Variants in TMEM221 observed in about 807,000 individuals in gnomAD.
The protein encoded by TMEM221 is transmembrane protein 221, also known as Putative transmembrane protein ENSP00000342162.
In TMEM221, 11 loss-of-function variants were observed where a neutral mutation model predicts 10.2. The ratio of observed to expected loss-of-function variants is 1.08; its 90% CI spans 0.68 to 1.79. The LOEUF (loss-of-function observed/expected upper bound fraction) is 1.79. Ranked by LOEUF, TMEM221 falls within the 40% of genes most tolerant of loss-of-function variation. The pLI is 0.00. For synonymous variants in TMEM221, 172 were observed against 199.8 expected (o/e 0.86, Z 1.18); for missense variants, 382 against 417.7 (o/e 0.91, Z 0.75).
At chr19:17,439,690 GA>G (rs978995626) in intron 2 of TMEM221, among the ~76,000 whole-genome samples, 3 of 130,660 alleles carry the variant, frequency 2.3e-5, no homozygotes, top group East Asian at 4.1e-4. Context: ...GCTGTCTCGA[GA>G]AAAAAGAAAA....
At position 17,436,628 on chromosome 19, in the gene TMEM221, C is replaced by T. The variant is rs1417447774; in HGVS notation, c.706G>A (p.Ala236Thr). 1 of 1,536,124 alleles carries T rather than the reference C, an allele frequency of 6.5e-7. No individual in the cohort carries two copies. Among genetic ancestry groups the T allele is most frequent in the Admixed American group, 2.0e-5 (1 of 50,996 alleles). Reference protein sequence around the residue: ...PGDPFGSMATATAPAALEGGW... With the variant: ...PGDPFGSMATTTAPAALEGGW... The stretch of plus-strand genomic sequence containing the variant: ...CCCTCCAGGGCTGCAGGTGCTGTGG[C>T]AGTGGCCATGGACCCAAAGGGGTCC... Residue 236 changes from alanine (A) to threonine (T), a missense_variant, in exon 3 of 3, where the codon GCC becomes ACC. Coordinates refer to ENST00000341130, the MANE Select transcript of TMEM221 (RefSeq NM_001190844.2).
chr19:17,437,789 G>T (rs1020083700), intron 2 of TMEM221, among the ~76,000 whole-genome samples: 1 of 152,066 alleles, frequency 6.6e-6, no homozygotes, highest in African/African-American at 2.4e-5. Context: ...GTGGAGAGGT[G>T]GGGGAGAGAT....
chr19:17,445,784 A>G (rs2074950920), intron 1 of TMEM221, among the ~76,000 whole-genome samples: 2 of 151,364 alleles, frequency 1.3e-5, no homozygotes, highest in Admixed American at 1.3e-4. Flanking sequence ...CCATCCATCC[A>G]TTCACTTATC....
chr19:17,444,066 G>T (rs2144503504), intron 2 of TMEM221, among the ~76,000 whole-genome samples: 2 of 127,428 alleles, frequency 1.6e-5, no homozygotes, highest in Non-Finnish European at 3.3e-5. Flanking sequence ...CCTGTAAAAT[G>T]CTATCTTTTT....
chr19:17,439,799 G>C (rs937795502), intron 2 of TMEM221, among the ~76,000 whole-genome samples: 1 of 152,098 alleles, frequency 6.6e-6, no homozygotes, highest in African/African-American at 2.4e-5. Flanking sequence ...ATGGAGACAG[G>C]GTTTCCTGTT....
rs758451730 is a variant in TMEM221 at position 17,441,211 on chromosome 19, G to GGA, written c.406+3987_406+3988insTC. ...CAACAGAGCAAGACTCCATCTCAGA[G>GGA]AAAAAAAAAAAAAAAAAAGAAGGGA... On this transcript the variant is annotated intron_variant, in intron 2 of 2. Transcript: ENST00000341130. Among the ~76,000 whole-genome samples the GGA allele has an allele frequency of 3.3e-3, 173 of 51,750 alleles. 9 individuals are homozygous for GGA. Among genetic ancestry groups the GGA allele is most frequent in the African/African-American group, 4.5e-3 (84 of 18,840 alleles). The allele number at this position is 51,750 out of a possible 152,430, so 34.0% of individuals were successfully genotyped here.
chr19:17,446,262 C>A (rs1309597188), intron 1 of TMEM221, among the ~76,000 whole-genome samples: 2 of 152,160 alleles, frequency 1.3e-5, no homozygotes, highest in Non-Finnish European at 1.5e-5. Context: ...CATTCTCTTT[C>A]CCCTATAACC....
At position 17,448,237 on chromosome 19, in the gene TMEM221, C is replaced by A; in HGVS notation, c.226G>T (p.Ala76Ser). 3 of 1,319,576 alleles carry A rather than the reference C, an allele frequency of 2.3e-6. No individual in the cohort carries two copies. Among genetic ancestry groups the A allele is most frequent in the Non-Finnish European group, 2.9e-6 (3 of 1,035,620 alleles). 81.7% of individuals were successfully genotyped at this position (1,319,576 alleles called of 1,614,324 possible). Residue 76 changes from alanine to serine, a missense_variant, in exon 1 of 3, where the codon GCG (alanine) becomes TCG (serine). Transcript: ENST00000341130. The surrounding 1 kb of genome is among the most constrained non-coding windows in gnomAD (Gnocchi z 4.7). Reference sequence around the variant, plus strand: ...GTGAACCCCAGCACGAGCACCAGCGCGGCCAGCGCGGCGGCCAGCGGCAGC... The same window carrying A: ...GTGAACCCCAGCACGAGCACCAGCGAGGCCAGCGCGGCGGCCAGCGGCAGC... ...TLLPLAAALA[A>S]LVLVLGFTCL...
At chr19:17,446,142 A>T (rs1010233329) in intron 1 of TMEM221, among the ~76,000 whole-genome samples, 1 of 151,062 alleles carries the variant, frequency 6.6e-6, no homozygotes, top group Admixed American at 6.6e-5. Flanking sequence ...TCACCCACCC[A>T]TCCACTGGTC....
chr19:17,448,048 T>TC lies in TMEM221; in HGVS notation c.320+94dup. On this transcript the variant is annotated intron_variant, in intron 1 of 2. Transcript: ENST00000341130. The surrounding 1 kb of genome is among the most constrained non-coding windows in gnomAD (Gnocchi z 4.7). ...GAGAGGGAAGTGGGGAGGGAAGCTG[T>TC]CCCCCCAGCCTGAGGCCAAAAGAGG... 3.8e-6 allele frequency: 4 copies of TC among 1,061,720 alleles called. No homozygotes were observed. Among genetic ancestry groups the TC allele is most frequent in the Admixed American group, 4.4e-5 (1 of 22,518 alleles). 65.8% of individuals were successfully genotyped at this position (1,061,720 alleles called of 1,614,324 possible).
rs558358674 is a variant in TMEM221, at chr19:17,442,733, C to T, written c.406+2466G>A. 2.6e-4 allele frequency among the ~76,000 whole-genome samples: 39 copies of T among 151,962 alleles called. No homozygotes were observed. In the South Asian group the frequency reaches 7.3e-3, roughly 28 times the overall value. ...GATTACAGGTGTGAGCAACCACACCCGGCTGAGAGGCATTTCTGATAACCT... is the reference window on the plus strand; with the variant it reads ...GATTACAGGTGTGAGCAACCACACCTGGCTGAGAGGCATTTCTGATAACCT... On this transcript the variant is annotated intron_variant, in intron 2 of 2. Coordinates refer to ENST00000341130, the MANE Select transcript of TMEM221 (RefSeq NM_001190844.2).
intron 2 of TMEM221, among the ~76,000 whole-genome samples, chr19:17,443,077 G>A (rs1329710415): frequency 4.0e-5 from 6 of 151,756 alleles, no homozygotes; most frequent in Admixed American, 6.6e-5. Context: ...TCAGGAGATC[G>A]TAGACCATCC....
chr19:17,445,213 G>A lies in TMEM221; in HGVS notation c.392C>T (p.Ser131Phe). Residue 131 changes from serine to phenylalanine, a missense_variant, in exon 2 of 3, where the codon TCC becomes TTC. Physicochemically the swap from Ser to Phe is radical, Grantham distance 155. Transcript: ENST00000341130. ...VALGLFCCGI[S>F]VYLAALSIYA... is the part of the protein sequence containing the mutation. Reference sequence around the variant, plus strand: ...CCAGCACACACCTGCTAAATAGACGGAGATCCCACAGCAGAAAAGGCCAAG... The same window carrying A: ...CCAGCACACACCTGCTAAATAGACGAAGATCCCACAGCAGAAAAGGCCAAG... 2.6e-6 allele frequency: 4 copies of A among 1,535,884 alleles called. No homozygotes were observed. The highest frequency in any genetic ancestry group is 3.5e-6 in the Non-Finnish European group (4 of 1,146,712).
At chr19:17,445,067 A>G in intron 2 of TMEM221, 132 bp downstream of exon 2, 2 of 776,768 alleles carry the variant, frequency 2.6e-6, no homozygotes, top group Admixed American at 4.9e-5. Flanking sequence ...CCAAGGCACC[A>G]AAGCAAAGAA....
At chr19:17,446,886 C>A (rs2074955054) in intron 1 of TMEM221, among the ~76,000 whole-genome samples, 3 of 152,072 alleles carry the variant, frequency 2.0e-5, no homozygotes, top group Admixed American at 2.0e-4. Flanking sequence ...CATGCACCAC[C>A]ACACCTAGCT....
rs2074960986 is a variant in TMEM221, at chr19:17,448,300, C to CGCCCAGCTCCTG, written c.151_162dup (p.Gln51_Gly54dup). The CGCCCAGCTCCTG allele has an allele frequency of 8.2e-7, 1 of 1,214,624 alleles. No individual in the cohort carries two copies. The highest frequency in any genetic ancestry group is 3.4e-5 in the East Asian group (1 of 29,324). 75.2% of individuals were successfully genotyped at this position (1,214,624 alleles called of 1,614,324 possible). On this transcript the variant is annotated inframe_insertion, in exon 1 of 3. Transcript: ENST00000341130. This position sits in a 1 kb window ranked among gnomAD's most constrained non-coding sequence, Gnocchi z 4.7. Reference sequence around the variant, plus strand: ...GCGTCCTCTGGCAGCCCGGGGCCGGCGCCCAGCTCCTGGCCCAGCCCCTCG... The same window carrying CGCCCAGCTCCTG: ...GCGTCCTCTGGCAGCCCGGGGCCGGCGCCCAGCTCCTGGCCCAGCTCCTGGCCCAGCCCCTCG...
rs1299934458 is a variant in TMEM221 at position 17,448,375 on chromosome 19, G to A, written c.88C>T (p.Leu30=). The A allele has an allele frequency of 1.4e-6, 2 of 1,432,760 alleles. No homozygotes were observed. Among genetic ancestry groups the A allele is most frequent in the Non-Finnish European group, 1.8e-6 (2 of 1,096,626 alleles). The allele number at this position is 1,432,760 out of a possible 1,614,324, so 88.8% of individuals were successfully genotyped here. Residue 30 remains leucine (L), a synonymous_variant, in exon 1 of 3, where the codon CTG becomes TTG. Coordinates refer to ENST00000341130, the MANE Select transcript of TMEM221 (RefSeq NM_001190844.2). This position sits in a 1 kb window ranked among gnomAD's most constrained non-coding sequence, Gnocchi z 4.7. ...AAVLAALGAQ[L]LFQLQAGRAE... is the part of the protein sequence containing the mutation. ...CGGCCCGCCTGCAGCTGAAACAGCA[G>A]CTGCGCGCCCAGCGCCGCCAGCACG...
intron 2 of TMEM221, among the ~76,000 whole-genome samples, chr19:17,439,563 C>T (rs1361414418): frequency 6.6e-6 from 1 of 151,958 alleles, no homozygotes; most frequent in Non-Finnish European, 1.5e-5. Flanking sequence ...TGGCACGTGC[C>T]TGTAATCCCA....
At chr19:17,444,215 A>G (rs1253358685) in intron 2 of TMEM221, among the ~76,000 whole-genome samples, 9 of 149,522 alleles carry the variant, frequency 6.0e-5, no homozygotes, top group Non-Finnish European at 1.3e-4. Flanking sequence ...TGAGTGGCTG[A>G]TATTATAGGC....
Sources: gnomAD v4.1 joint callset for allele counts (sites outside exome capture counted in the v4.1 genomes callset) on GRCh38, gnomAD v4.1.1 for gene constraint, Gnocchi (gnomAD v3.1) non-coding constraint, MANE v1.5 for transcripts, NCBI Gene and HGNC (gene_info 2026-07-23, HGNC 2026-07-21) for gene names.